The following HTT variants were observed in gnomAD, a reference collection of about 807,000 sequenced individuals.
HTT encodes the protein huntington disease protein.
A neutral mutation model predicts 362.3 loss-of-function variants in HTT; 104 were observed. That is an observed-to-expected ratio of 0.29 (90% CI 0.24 to 0.34). The LOEUF (loss-of-function observed/expected upper bound fraction) is 0.34, where lower values mean the gene tolerates loss of function less well. HTT is among the 10% of genes least tolerant of loss of function. The pLI, the probability that HTT is intolerant of heterozygous loss-of-function variation, is 1.00. For missense variants in HTT, 3,301 were observed against 3,928.6 expected (o/e 0.84, Z 4.27); for synonymous variants, 1,577 against 1,548.7 (o/e 1.02, Z -0.43).
At position 3,224,085 on chromosome 4, in the gene HTT, A is replaced by G. The variant is rs931078942; in HGVS notation, c.7719A>G (p.Leu2573=). The stretch of plus-strand genomic sequence containing the variant: ...GAGAGAATATTGCCACCCATCATTT[A>G]TATCAGGCATGGGATCCTGTCCCTT... The part of the protein sequence containing the change: ...SKRENIATHH[L]YQAWDPVPSL... The change falls in exon 56 of 67, where the codon TTA becomes TTG. Residue 2573 remains leucine (L), a synonymous_variant. Transcript: ENST00000355072. 4 of 1,614,144 alleles carry G rather than the reference A, an allele frequency of 2.5e-6. No homozygotes were observed. Among genetic ancestry groups the G allele is most frequent in the African/African-American group, 1.3e-5 (1 of 75,056 alleles).
chr4:3,100,002 T>G (rs1263426907), intron 3 of HTT, among the ~76,000 whole-genome samples: 2 of 152,216 alleles, frequency 1.3e-5, no homozygotes, highest in Admixed American at 1.3e-4. Context: ...CCTGCATTGC[T>G]TGCCACACCT....
At chr4:3,085,716 G>C (rs1199536920) in intron 1 of HTT, among the ~76,000 whole-genome samples, 1 of 152,192 alleles carries the variant, frequency 6.6e-6, no homozygotes, top group Non-Finnish European at 1.5e-5. Context: ...TTTTAAGTTA[G>C]ATTTTTTATT....
rs1443668647 is a variant in HTT at position 3,134,025 on chromosome 4, T to C, written c.2494-376T>C. Among the ~76,000 whole-genome samples the C allele has an allele frequency of 5.3e-5, 8 of 152,140 alleles. No homozygotes were observed. In the East Asian group the frequency reaches 1.5e-3, roughly 29 times the overall value. On this transcript the variant is annotated intron_variant, in intron 18 of 66. Transcript: ENST00000355072. ...CATAGTGACATAGTGGGGTGGTCCTTGGTGTAGGTCCCTTGTTCCTACCCC... is the reference window on the plus strand; with the variant it reads ...CATAGTGACATAGTGGGGTGGTCCTCGGTGTAGGTCCCTTGTTCCTACCCC...
Position 3,155,060 on chromosome 4 carries a change from G to A in HTT, c.3625+641G>A, listed in dbSNP as rs140631846. ...GAGCCTGGCAAAGCATGAAGTGACT[G>A]CTGCTGCCTCTGCTATCTGGGACGC... On this transcript the variant is annotated intron_variant, in intron 27 of 66. Transcript: ENST00000355072. Among the ~76,000 whole-genome samples the A allele has an allele frequency of 2.5e-3, 387 of 152,002 alleles. 1 individual carries two copies. The highest frequency in any genetic ancestry group is 9.0e-3 in the African/African-American group (371 of 41,432).
intron 27 of HTT, among the ~76,000 whole-genome samples, chr4:3,155,897 C>CA (rs544532624): frequency 0.046 from 3,884 of 84,360 alleles, 126 homozygotes; most frequent in African/African-American, 0.11. Flanking sequence ...GACTCCGTCT[C>CA]AAAAAAAAAA....
intron 33 of HTT, among the ~76,000 whole-genome samples, chr4:3,176,014 T>C (rs1718220541): frequency 6.8e-6 from 1 of 147,792 alleles, no homozygotes; most frequent in Admixed American, 6.6e-5. Context: ...TTTTTTTTGT[T>C]GTTGTTGTTT....
intron 37 of HTT, among the ~76,000 whole-genome samples, chr4:3,186,214 G>T (rs1349278967): frequency 6.6e-6 from 1 of 152,014 alleles, no homozygotes; most frequent in Non-Finnish European, 1.5e-5. Flanking sequence ...AAAAAAAAGT[G>T]CACACCATCC....
Position 3,171,634 on chromosome 4 carries a change from C to T in HTT, c.3865-686C>T, listed in dbSNP as rs76267790. Among the ~76,000 whole-genome samples the T allele has an allele frequency of 2.8e-3, 423 of 152,160 alleles. 5 individuals are homozygous for T. Among genetic ancestry groups the T allele is most frequent in the Middle Eastern group, 0.02 (6 of 294 alleles). On this transcript the variant is annotated intron_variant, in intron 29 of 66. Transcript: ENST00000355072. ...CTGGGATTACAGGTGTGCGCCACCA[C>T]GCCTGGCTAATTTTGTATTTTTGGT...
At chr4:3,147,521 A>G (rs1261932798) in intron 25 of HTT, among the ~76,000 whole-genome samples, 3 of 152,158 alleles carry the variant, frequency 2.0e-5, no homozygotes, top group South Asian at 2.1e-4. Context: ...GGCCTGTGCT[A>G]TTTGCTTCAG....
intron 46 of HTT, 145 bp downstream of exon 46, chr4:3,209,056 C>T (rs1423847697): frequency 1.1e-5 from 10 of 877,716 alleles, no homozygotes; most frequent in East Asian, 5.4e-5. Context: ...TGGTTAGAGA[C>T]GTGGGGGGCC....
intron 40 of HTT, among the ~76,000 whole-genome samples, chr4:3,198,913 CAG>C (rs1440312872): frequency 6.6e-6 from 1 of 152,240 alleles, no homozygotes; most frequent in East Asian, 1.9e-4. Context: ...AGAGGGCACA[CAG>C]AGCCTGGACC....
rs752022816 is a variant in HTT at position 3,223,578 on chromosome 4, C to T, written c.7625+18C>T. On this transcript the variant is annotated intron_variant, in intron 55 of 66. Transcript: ENST00000355072. ...GACACCAGGTTTGCTTGAGTTCCCA[C>T]GTGTCTCTGGGACATAGCAGGTGCT... The T allele has an allele frequency of 8.2e-6, 13 of 1,591,092 alleles. No individual in the cohort carries two copies. The highest frequency in any genetic ancestry group is 3.4e-5 in the South Asian group (3 of 87,598).
chr4:3,135,946 A>G lies in HTT; in HGVS notation c.2676A>G (p.Arg892=). 1 of 1,605,010 alleles carries G rather than the reference A, an allele frequency of 6.2e-7. No individual in the cohort carries two copies. Among genetic ancestry groups the G allele is most frequent in the Non-Finnish European group, 8.5e-7 (1 of 1,177,164 alleles). ...AGGCAAAAGCAGAAAACTTACACAGAGGGGCTCATCATTATACAGGGGTAA... is the reference window on the plus strand; with the variant it reads ...AGGCAAAAGCAGAAAACTTACACAGGGGGGCTCATCATTATACAGGGGTAA... ...FLEAKAENLH[R]GAHHYTGLLK... The change falls in exon 20 of 67, where the codon AGA becomes AGG. Residue 892 remains arginine (R), a synonymous_variant. Transcript: ENST00000355072.
chr4:3,145,889 A>T (rs1215022945), intron 24 of HTT, among the ~76,000 whole-genome samples: 1 of 152,184 alleles, frequency 6.6e-6, no homozygotes, highest in Admixed American at 6.5e-5. Flanking sequence ...CACCTTCCTC[A>T]CATACAGACT....
At chr4:3,112,573 A>C (rs1004218797) in intron 6 of HTT, among the ~76,000 whole-genome samples, 7 of 152,166 alleles carry the variant, frequency 4.6e-5, no homozygotes, top group African/African-American at 1.7e-4. Context: ...AGTCTTCTAT[A>C]TTATCGTGTG....
In HTT at chr4:3,172,362, C is replaced by T. The variant is rs1718029203; in HGVS notation, c.3907C>T (p.Arg1303Ter). The T allele has an allele frequency of 1.2e-6, 2 of 1,611,360 alleles. No homozygotes were observed. Among genetic ancestry groups the T allele is most frequent in the African/African-American group, 1.3e-5 (1 of 74,956 alleles). ...ILGYLKSCFS[R>*]EPMMATVCVQ... ...AGGATACCTGAAATCCTGCTTTAGT[C>T]GAGAACCAATGATGGCAACTGTTTG... Residue 1303 changes from arginine to a stop codon, truncating the protein, a stop_gained, in exon 30 of 67, where the codon CGA becomes TGA. Coordinates refer to ENST00000355072, the MANE Select transcript of HTT (RefSeq NM_001388492.1). LOFTEE classifies it high-confidence loss of function.
At chr4:3,133,005 T>C in intron 18 of HTT, 94 bp downstream of exon 18, 1 of 956,218 alleles carries the variant, frequency 1.0e-6, no homozygotes, top group Admixed American at 1.7e-5. Context: ...AATATTTCCA[T>C]GCACTCTAAA....
chr4:3,193,223 C>G (rs1002609848), intron 40 of HTT, among the ~76,000 whole-genome samples: 1 of 152,222 alleles, frequency 6.6e-6, no homozygotes, highest in Non-Finnish European at 1.5e-5. Context: ...AGGCCATGGC[C>G]AAAATTTAAT....
At chr4:3,094,810 C>T (rs113548858) in intron 2 of HTT, among the ~76,000 whole-genome samples, 8,007 of 147,506 alleles carry the variant, frequency 0.054, 377 homozygotes, top group African/African-American at 0.13. Context: ...ACTTCTCAGA[C>T]GGGGCGGCTG....
Sources: allele counts gnomAD v4.1 joint callset (sites outside exome capture counted in the v4.1 genomes callset), GRCh38; gene constraint gnomAD v4.1.1; transcripts MANE v1.5; gene names NCBI Gene and HGNC (gene_info 2026-07-23, HGNC 2026-07-21).